SHC2: variants seen among roughly 807,000 people sequenced by gnomAD.
SHC2 encodes SHC-transforming protein 2.
A neutral mutation model predicts 60.6 loss-of-function variants in SHC2; 62 were observed. The observed-to-expected ratio is 1.02, with a 90% CI of 0.83 to 1.26. The LOEUF (loss-of-function observed/expected upper bound fraction) is 1.26, where lower values mean the gene tolerates loss of function less well. SHC2 is among the 50% of genes most tolerant of loss of function. The probability of loss-of-function intolerance (pLI) is 0.00; values close to 1 mark genes in which losing one functional copy is unlikely to be tolerated. For missense variants in SHC2, 873 were observed against 822.2 expected (o/e 1.06, Z -0.76); for synonymous variants, 375 against 372.4 (o/e 1.01, Z -0.08).
Position 450,882 on chromosome 19 carries a change from G to A in SHC2, c.468+9647C>T, listed in dbSNP as rs148369445. Among the ~76,000 whole-genome samples, 1,037 of 127,366 alleles carry A rather than the reference G, an allele frequency of 8.1e-3. 14 individuals carry two copies. The highest frequency in any genetic ancestry group is 0.03 in the African/African-American group (940 of 31,198). 83.6% of individuals were successfully genotyped at this position (127,366 alleles called of 152,430 possible). A position where few individuals can be genotyped will look rare whatever the true frequency, so the allele number is the denominator to read the frequency against. ...ATTTCAGCGTGTGGATGGCCACGCC[G>A]TGGCCACATCATATTTCAGCGTGTG... is the stretch of plus-strand genomic sequence containing the variant. On this transcript the variant is annotated intron_variant, in intron 1 of 12. Transcript: ENST00000264554.
intron 8 of SHC2, among the ~76,000 whole-genome samples, chr19:434,415 A>C (rs1568287080): frequency 1.1e-4 from 1 of 9,198 alleles, no homozygotes; most frequent in Non-Finnish European, 2.2e-4. Flanking sequence ...TGTGAGTGAG[A>C]TAGTGAGTGA....
In SHC2 at chr19:446,969, G is replaced by C. The variant is rs943692711; in HGVS notation, c.469-6037C>G. On this transcript the variant is annotated intron_variant, in intron 1 of 12. Transcript: ENST00000264554. The surrounding 1 kb of genome is among the most constrained non-coding windows in gnomAD (Gnocchi z 5.4). ...CACCGGGACCCACCTCATAGGCTTT[G>C]CCATGGTCTGTATCGATGTCATTTA... Among the ~76,000 whole-genome samples, 2 of 152,182 alleles carry C rather than the reference G, an allele frequency of 1.3e-5. No homozygotes were observed. Among genetic ancestry groups the C allele is most frequent in the Non-Finnish European group, 2.9e-5 (2 of 68,032 alleles).
At chr19:436,784 G>C in intron 4 of SHC2, 101 bp from the exon 5 acceptor site, 2 of 1,131,906 alleles carry the variant, frequency 1.8e-6, no homozygotes, top group Non-Finnish European at 2.5e-6. Context: ...GGCAGGGGCA[G>C]GGATGTGGGG....
intron 9 of SHC2, among the ~76,000 whole-genome samples, chr19:428,295 A>T (rs1974471140): frequency 1.3e-5 from 2 of 152,182 alleles, no homozygotes; most frequent in Admixed American, 1.3e-4. Flanking sequence ...TTCCTACTGA[A>T]ATGGCCCGAG....
intron 11 of SHC2, 56 bp from the exon 12 acceptor site, chr19:419,112 T>G: frequency 1.3e-6 from 2 of 1,516,258 alleles, no homozygotes; most frequent in South Asian, 1.2e-5. Flanking sequence ...ACCCGTGGAG[T>G]AGGATATTGG....
In SHC2 at chr19:438,995, C is replaced by A; in HGVS notation, c.575G>T (p.Gly192Val). 1.2e-6 allele frequency: 2 copies of A among 1,601,032 alleles called. No homozygotes were observed. Among genetic ancestry groups the A allele is most frequent in the Non-Finnish European group, 8.5e-7 (1 of 1,174,548 alleles). The change falls in exon 3 of 13, where the codon GGC becomes GTC. Residue 192 changes from glycine (G) to valine (V), a missense_variant. By Grantham distance (109) the Gly-to-Val change is moderately radical. Coordinates refer to ENST00000264554, the MANE Select transcript of SHC2 (RefSeq NM_012435.3). This position sits in a 1 kb window ranked among gnomAD's most constrained non-coding sequence, Gnocchi z 5.0. ...CTTTTTCTTCCAGGATCCCCGGACGCCAGGCACGGCCTCATGGAGCCGGTT... is the reference window on the plus strand; with the variant it reads ...CTTTTTCTTCCAGGATCCCCGGACGACAGGCACGGCCTCATGGAGCCGGTT... ...AINRLHEAVP[G>V]VRGSWKKKAP...
intron 8 of SHC2, among the ~76,000 whole-genome samples, chr19:433,918 CATCGTGAGTGAG>C (rs1974637749): frequency 3.3e-5 from 1 of 30,582 alleles, no homozygotes; most frequent in Non-Finnish European, 5.8e-5. Flanking sequence ...GATGGCGCTT[CATCGTGAGTGAG>C]ATCGTGAGTG....
Position 422,727 on chromosome 19 carries a change from G to T in SHC2, c.1310-271C>A. 1 of 382,558 alleles carries T rather than the reference G, an allele frequency of 2.6e-6. No homozygotes were observed. The highest frequency in any genetic ancestry group is 8.5e-5 in the South Asian group (1 of 11,806). The allele number at this position is 382,558 out of a possible 1,614,324, so 23.7% of individuals were successfully genotyped here. On this transcript the variant is annotated intron_variant, in intron 10 of 12. Transcript: ENST00000264554. The surrounding 1 kb of genome is among the most constrained non-coding windows in gnomAD (Gnocchi z 5.0). ...GGTAACAGCAGCTCTTTCTTTCAGA[G>T]GTTAACTCCTATTTCTTTTTCCTGC...
In SHC2 at chr19:438,795, G is replaced by T; in HGVS notation, c.643C>A (p.Leu215Ile). 1.9e-6 allele frequency: 3 copies of T among 1,575,930 alleles called. No individual in the cohort carries two copies. Among genetic ancestry groups the T allele is most frequent in the Non-Finnish European group, 2.6e-6 (3 of 1,162,104 alleles). ...GAGATGCTCATGCCGGCAAAGCGAA[G>T]GTTGCTCTTGCCCAGGACGGACGCC... is the stretch of plus-strand genomic sequence containing the variant. ...ALASVLGKSNLRFAGMSISIH... is the reference protein window; with the variant it reads ...ALASVLGKSNIRFAGMSISIH... The change falls in exon 4 of 13, where the codon CTT becomes ATT. Residue 215 changes from leucine (L) to isoleucine (I), a missense_variant. Coordinates refer to ENST00000264554, the MANE Select transcript of SHC2 (RefSeq NM_012435.3). This position sits in a 1 kb window ranked among gnomAD's most constrained non-coding sequence, Gnocchi z 5.0.
chr19:448,569 T>C (rs996459369), intron 1 of SHC2, among the ~76,000 whole-genome samples: 3 of 152,144 alleles, frequency 2.0e-5, no homozygotes, highest in Non-Finnish European at 4.4e-5. Flanking sequence ...CTTTTCCAAA[T>C]AAGGACGTGA....
chr19:438,903 G>T lies in SHC2; in HGVS notation c.601-66C>A. 6.4e-7 allele frequency: 1 copy of T among 1,553,070 alleles called. No homozygotes were observed. The highest frequency in any genetic ancestry group is 8.7e-7 in the Non-Finnish European group (1 of 1,147,128). On this transcript the variant is annotated intron_variant, in intron 3 of 12. Transcript: ENST00000264554. This position sits in a 1 kb window ranked among gnomAD's most constrained non-coding sequence, Gnocchi z 5.0. Reference sequence around the variant, plus strand: ...GGGGCTGTCGAGGGGCTCCCAGGATGGCCGCAGCGTCCCCACAGCCCCCGA... The same window carrying T: ...GGGGCTGTCGAGGGGCTCCCAGGATTGCCGCAGCGTCCCCACAGCCCCCGA...
intron 1 of SHC2, among the ~76,000 whole-genome samples, chr19:449,952 G>A (rs955962145): frequency 6.6e-6 from 1 of 152,184 alleles, no homozygotes; most frequent in African/African-American, 2.4e-5. Context: ...ATCTAAGGTT[G>A]AAACTATTTA....
At chr19:442,475 G>GA (rs1974898156) in intron 1 of SHC2, among the ~76,000 whole-genome samples, 1 of 108,014 alleles carries the variant, frequency 9.3e-6, no homozygotes, top group Non-Finnish European at 1.8e-5. Flanking sequence ...GGGTGGATGG[G>GA]TGGGTGGATG....
intron 11 of SHC2, among the ~76,000 whole-genome samples, chr19:420,874 A>AC (rs1974252200): frequency 2.0e-5 from 3 of 151,454 alleles, no homozygotes; most frequent in Admixed American, 1.3e-4. Context: ...ACATGGTGAT[A>AC]CCCCGTCTCT....
chr19:454,540 A>C (rs1213664296), intron 1 of SHC2, among the ~76,000 whole-genome samples: 2 of 152,182 alleles, frequency 1.3e-5, no homozygotes, highest in East Asian at 1.9e-4. Flanking sequence ...TCATCCCAGC[A>C]CTTTGGGAGG....
rs1975033140 is a variant in SHC2, at chr19:445,574, A to T, written c.469-4642T>A. Among the ~76,000 whole-genome samples, 1 of 152,162 alleles carries T rather than the reference A, an allele frequency of 6.6e-6. No homozygotes were observed. The highest frequency in any genetic ancestry group is 2.4e-5 in the African/African-American group (1 of 41,428). Reference sequence around the variant, plus strand: ...TGTAATGAGGCCTCATCTCTACAAAAGAAAAATTTTTAATTAGCTGAGCAT... The same window carrying T: ...TGTAATGAGGCCTCATCTCTACAAATGAAAAATTTTTAATTAGCTGAGCAT... On this transcript the variant is annotated intron_variant, in intron 1 of 12. Transcript: ENST00000264554. This position sits in a 1 kb window ranked among gnomAD's most constrained non-coding sequence, Gnocchi z 4.4.
At chr19:429,209 G>A (rs1211828939) in intron 9 of SHC2, among the ~76,000 whole-genome samples, 2 of 146,848 alleles carry the variant, frequency 1.4e-5, no homozygotes, top group African/African-American at 2.5e-5. Flanking sequence ...TATCCAACAT[G>A]CAGAGAAACC....
Position 434,813 on chromosome 19 carries a change from G to T in SHC2, c.1006C>A (p.His336Asn), listed in dbSNP as rs1004885914. Residue 336 changes from histidine (H) to asparagine (N), a missense_variant, in exon 8 of 13, where the codon CAC becomes AAC. Coordinates refer to ENST00000264554, the MANE Select transcript of SHC2 (RefSeq NM_012435.3). ...CCCGGGATGCTGTTGTAGTAATTGT[G>T]CTCCAAAGAGTCCTCCTCGTCCCCC... ...AWGDEEDSLE[H>N]NYYNSIPGKE... The T allele has an allele frequency of 1.2e-6, 2 of 1,612,810 alleles. No individual in the cohort carries two copies. The highest frequency in any genetic ancestry group is 1.7e-6 in the Non-Finnish European group (2 of 1,179,804).
In SHC2 at chr19:460,628, G is replaced by A. The variant is rs1600339657; in HGVS notation, c.369C>T (p.Ala123=). ...AAGSGDAAAA[A]EWIRKGSFIH... ...TGAAGCTGCCCTTCCGGATCCACTCGGCGGCGGCGGCGGCGTCCCCGGACC... is the reference window on the plus strand; with the variant it reads ...TGAAGCTGCCCTTCCGGATCCACTCAGCGGCGGCGGCGGCGTCCCCGGACC... Residue 123 remains alanine, a synonymous_variant, in exon 1 of 13, where the codon GCC becomes GCT. Coordinates refer to ENST00000264554, the MANE Select transcript of SHC2 (RefSeq NM_012435.3). 1 of 1,293,868 alleles carries A rather than the reference G, an allele frequency of 7.7e-7. No homozygotes were observed. Among genetic ancestry groups the A allele is most frequent in the Non-Finnish European group, 9.9e-7 (1 of 1,012,474 alleles). 80.1% of individuals were successfully genotyped at this position (1,293,868 alleles called of 1,614,324 possible).
Sources: allele counts gnomAD v4.1 joint callset (sites outside exome capture counted in the v4.1 genomes callset), GRCh38; gene constraint gnomAD v4.1.1; non-coding constraint Gnocchi (gnomAD v3.1); transcripts MANE v1.5; gene names NCBI Gene and HGNC (gene_info 2026-07-23, HGNC 2026-07-21).